Variants in CAMK2D observed in about 807,000 individuals in gnomAD.
CAMK2D encodes the protein calcium/calmodulin dependent protein kinase II delta, also known as calcium/calmodulin-dependent protein kinase type II subunit delta.
In CAMK2D, 37 loss-of-function variants were observed where a neutral mutation model predicts 84.0. The observed-to-expected ratio is 0.44, with a 90% confidence interval of 0.34 to 0.58. The LOEUF (loss-of-function observed/expected upper bound fraction) is 0.58, where lower values mean the gene tolerates loss of function less well. Among genes scored for constraint, CAMK2D ranks in the 20% least tolerant of loss-of-function variants. CAMK2D has a pLI of 0.02. For missense variants in CAMK2D, 448 were observed against 652.5 expected (o/e 0.69, Z 3.41); for synonymous variants, 202 against 212.5 (o/e 0.95, Z 0.43).
intron 8 of CAMK2D, among the ~76,000 whole-genome samples, chr4:113,518,068 T>C (rs1459474160): frequency 1.6e-4 from 25 of 152,212 alleles, no homozygotes; most frequent in Non-Finnish European, 7.3e-5. Flanking sequence ...ATACTTGTTT[T>C]GATGGTCATT....
At chr4:113,622,568 C>T (rs2099050647) in intron 3 of CAMK2D, among the ~76,000 whole-genome samples, 1 of 148,876 alleles carries the variant, frequency 6.7e-6, no homozygotes, top group Admixed American at 6.6e-5. Flanking sequence ...AGTTCGAGAC[C>T]AGCCCGGGCC....
rs535862700 is a variant in CAMK2D, at chr4:113,494,705, A to C, written c.1135+5758T>G. Among the ~76,000 whole-genome samples, 992 of 152,044 alleles carry C rather than the reference A, an allele frequency of 6.5e-3. 9 individuals are homozygous for C. Among genetic ancestry groups the C allele is most frequent in the African/African-American group, 0.023 (946 of 41,342 alleles). On this transcript the variant is annotated intron_variant, in intron 16 of 20. Transcript: ENST00000511664. The stretch of plus-strand genomic sequence containing the variant: ...TCCCGGCTGCTTTGTTTACCTAAGG[A>C]AGCCTGGGCAATGGCGGGCGCCCCT...
chr4:113,561,048 G>A (rs991016859), intron 4 of CAMK2D, among the ~76,000 whole-genome samples: 9 of 152,174 alleles, frequency 5.9e-5, no homozygotes, highest in Middle Eastern at 3.4e-3. Context: ...TGAACACCTA[G>A]GAAGAAACAG....
intron 3 of CAMK2D, among the ~76,000 whole-genome samples, chr4:113,658,136 T>TA (rs1164201370): frequency 2.0e-5 from 3 of 152,328 alleles, no homozygotes; most frequent in Non-Finnish European, 4.4e-5. Flanking sequence ...GATGTCCACT[T>TA]ATGGCATCTG....
intron 2 of CAMK2D, among the ~76,000 whole-genome samples, chr4:113,667,690 A>C (rs1269115543): frequency 6.6e-6 from 1 of 152,226 alleles, no homozygotes; most frequent in East Asian, 1.9e-4. Flanking sequence ...GATGTATATG[A>C]ATTTAAAGCT....
In CAMK2D at chr4:113,572,486, C is replaced by T. The variant is rs555489883; in HGVS notation, c.276-20390G>A. On this transcript the variant is annotated intron_variant, in intron 4 of 20. Coordinates refer to ENST00000511664, the MANE Select transcript of CAMK2D (RefSeq NM_001321571.2). ...CAAACACAAAGGACATGAACAGACA[C>T]TTCTCAAAAGAAGACATACATGCAG... Among the ~76,000 whole-genome samples the T allele has an allele frequency of 7.9e-5, 12 of 151,414 alleles. No homozygotes were observed. In the East Asian group the frequency reaches 2.3e-3, roughly 29 times the overall value.
At chr4:113,749,370 G>T (rs969473543) in intron 2 of CAMK2D, among the ~76,000 whole-genome samples, 1 of 140,626 alleles carries the variant, frequency 7.1e-6, no homozygotes, top group Non-Finnish European at 1.5e-5. Flanking sequence ...TTCCAATACA[G>T]AAACAAGTAC....
intron 2 of CAMK2D, among the ~76,000 whole-genome samples, chr4:113,723,912 T>C (rs1425975451): frequency 6.6e-6 from 1 of 152,192 alleles, no homozygotes; most frequent in Non-Finnish European, 1.5e-5. Context: ...ACTTTTTCTT[T>C]ATGAAGTGAA....
intron 2 of CAMK2D, among the ~76,000 whole-genome samples, chr4:113,695,232 A>C (rs2099399181): frequency 6.9e-6 from 1 of 144,502 alleles, no homozygotes; most frequent in African/African-American, 2.6e-5. Flanking sequence ...AAGTAAAATA[A>C]AGAAAAATAA....
intron 3 of CAMK2D, among the ~76,000 whole-genome samples, chr4:113,652,451 A>T (rs984654858): frequency 2.0e-5 from 3 of 152,112 alleles, no homozygotes; most frequent in African/African-American, 7.2e-5. Context: ...TTTATTATCA[A>T]TGCTACTGGA....
At chr4:113,477,248 C>T (rs775252018) in intron 16 of CAMK2D, among the ~76,000 whole-genome samples, 10 of 152,094 alleles carry the variant, frequency 6.6e-5, no homozygotes, top group Non-Finnish European at 1.2e-4. Flanking sequence ...GAGCCATTTC[C>T]GTGCTTAGTT....
In CAMK2D at chr4:113,505,058, AAC is replaced by A. The variant is rs774019524; in HGVS notation, c.985-25_985-24del. 2.0e-6 allele frequency: 3 copies of A among 1,509,228 alleles called. No homozygotes were observed. In the African/African-American group the frequency reaches 4.1e-5, roughly 21 times the overall value. 93.5% of individuals were successfully genotyped at this position (1,509,228 alleles called of 1,614,324 possible). Reference sequence around the variant, plus strand: ...TATCTGTGGGTATGCAGAAAATAGAAACAGAGATGCCTTAAACCCCTTGGTAG... The same window carrying A: ...TATCTGTGGGTATGCAGAAAATAGAAAGAGATGCCTTAAACCCCTTGGTAG... On this transcript the variant is annotated intron_variant, in intron 13 of 20. Transcript: ENST00000511664.
At chr4:113,658,283 T>G (rs185224448) in intron 3 of CAMK2D, among the ~76,000 whole-genome samples, 27 of 152,300 alleles carry the variant, frequency 1.8e-4, no homozygotes, top group Admixed American at 1.3e-4. Context: ...ATTCATCAAT[T>G]AAGGTAAGAT....
intron 4 of CAMK2D, among the ~76,000 whole-genome samples, chr4:113,559,616 G>A (rs1253201191): frequency 6.6e-6 from 1 of 152,248 alleles, no homozygotes; most frequent in African/African-American, 2.4e-5. Flanking sequence ...TCCTGTGCAT[G>A]TAAGATTTCA....
intron 2 of CAMK2D, among the ~76,000 whole-genome samples, chr4:113,675,759 A>C (rs1436305533): frequency 1.3e-5 from 2 of 152,228 alleles, no homozygotes; most frequent in Non-Finnish European, 2.9e-5. Context: ...ATGTGCATAA[A>C]ATTAAAAATA....
chr4:113,758,109 A>T (rs1187942453), intron 2 of CAMK2D, among the ~76,000 whole-genome samples: 5 of 152,150 alleles, frequency 3.3e-5, no homozygotes, highest in Non-Finnish European at 7.4e-5. Flanking sequence ...TAGTTTAGCA[A>T]TTCCTTTTCA....
chr4:113,494,261 C>G (rs2097892404), intron 16 of CAMK2D, among the ~76,000 whole-genome samples: 1 of 152,208 alleles, frequency 6.6e-6, no homozygotes, highest in South Asian at 2.1e-4. Flanking sequence ...TTTTCCCCAA[C>G]TTTGTGGTTT....
intron 2 of CAMK2D, among the ~76,000 whole-genome samples, chr4:113,741,599 T>C (rs2099593111): frequency 6.6e-6 from 1 of 152,190 alleles, no homozygotes; most frequent in Non-Finnish European, 1.5e-5. Flanking sequence ...ATAGTCTTGC[T>C]TTCACTCACA....
intron 2 of CAMK2D, chr4:113,754,036 T>C: frequency 1.1e-6 from 1 of 909,764 alleles, no homozygotes; most frequent in African/African-American, 1.8e-5. Flanking sequence ...TAATATTTAT[T>C]AAATAAACAC....
Sources: gnomAD v4.1 joint callset for allele counts (sites outside exome capture counted in the v4.1 genomes callset) on GRCh38, gnomAD v4.1.1 for gene constraint, MANE v1.5 for transcripts, NCBI Gene and HGNC (gene_info 2026-07-23, HGNC 2026-07-21) for gene names.